The following TFCP2 variants were observed in gnomAD, a reference collection of about 807,000 sequenced individuals.
TFCP2 encodes transcription factor CP2.
Under a neutral mutation model 73.4 loss-of-function variants are expected in TFCP2, and 33 were observed. The observed-to-expected ratio is 0.45, with a 90% CI of 0.34 to 0.60. The LOEUF is 0.60. Ranked by LOEUF, TFCP2 falls within the 20% of genes least tolerant of loss-of-function variation. The pLI, the probability that TFCP2 is intolerant of heterozygous loss-of-function variation, is 0.01. For missense variants in TFCP2, 352 were observed against 604.0 expected (o/e 0.58, Z 4.37); for synonymous variants, 193 against 211.6 (o/e 0.91, Z 0.76).
rs569163870 is a variant in TFCP2 at position 51,097,896 on chromosome 12, A to G, written c.1419+880T>C. ...CCAGGCATGGTGGTGGGTGCCTGTAATACCAGCTACTTGGGAGGCTGAGGC... is the reference window on the plus strand; with the variant it reads ...CCAGGCATGGTGGTGGGTGCCTGTAGTACCAGCTACTTGGGAGGCTGAGGC... On this transcript the variant is annotated intron_variant, in intron 13 of 14. Transcript: ENST00000257915. Among the ~76,000 whole-genome samples the G allele has an allele frequency of 2.0e-5, 3 of 152,000 alleles. No individual in the cohort carries two copies. The East Asian group carries it at 5.9e-4, about 30-fold the overall frequency.
chr12:51,107,215 C>T (rs768370142), intron 7 of TFCP2, 21 bp downstream of exon 7: 32 of 1,559,752 alleles, frequency 2.1e-5, no homozygotes, highest in Middle Eastern at 1.7e-4. Context: ...CTGAAATTGT[C>T]ACCAAAAGAA....
At chr12:51,158,288 G>C (rs746515919) in intron 1 of TFCP2, among the ~76,000 whole-genome samples, 3 of 152,064 alleles carry the variant, frequency 2.0e-5, no homozygotes, top group Non-Finnish European at 4.4e-5. Context: ...TGGTATTACA[G>C]GTATAAGCCA....
chr12:51,160,527 G>A (rs995194654), intron 1 of TFCP2, among the ~76,000 whole-genome samples: 17 of 152,206 alleles, frequency 1.1e-4, no homozygotes, highest in African/African-American at 4.1e-4. Flanking sequence ...CTTACAAAGG[G>A]TTCTTTCTGT....
In TFCP2 at chr12:51,126,883, T is replaced by C. The variant is rs73105059; in HGVS notation, c.123-8111A>G. ...ATTGGCCATAACAACTGTAAGAAAA[T>C]AGATTGATTTTCTGGGATTTGTGGG... On this transcript the variant is annotated intron_variant, in intron 1 of 14. Coordinates refer to ENST00000257915, the MANE Select transcript of TFCP2 (RefSeq NM_005653.5). Among the ~76,000 whole-genome samples, 222 of 151,984 alleles carry C rather than the reference T, an allele frequency of 1.5e-3. 1 individual carries two copies. Among genetic ancestry groups the C allele is most frequent in the South Asian group, 3.5e-3 (17 of 4,800 alleles).
chr12:51,103,690 C>T lies in TFCP2; in HGVS notation c.1040G>A (p.Arg347Lys). Residue 347 changes from arginine to lysine, a missense_variant, in exon 10 of 15, where the codon AGG becomes AAG. This residue lies in a region of TFCP2 where 194 missense variants were observed against 256.3 expected (regional missense o/e 0.76). Coordinates refer to ENST00000257915, the MANE Select transcript of TFCP2 (RefSeq NM_005653.5). ...TTAACCTGAGAAGTTTGTGAAAAGC[C>T]TTGTGAATGTAGAAAAACGATTTCG... The part of the protein sequence containing the change: ...LHRNRFSTFT[R>K]LFTNFSGADL... 6.2e-7 allele frequency: 1 copy of T among 1,613,880 alleles called. No individual in the cohort carries two copies. Among genetic ancestry groups the T allele is most frequent in the South Asian group, 1.1e-5 (1 of 91,034 alleles).
chr12:51,141,840 A>T (rs1183958999), intron 1 of TFCP2, among the ~76,000 whole-genome samples: 8 of 145,242 alleles, frequency 5.5e-5, no homozygotes, highest in Middle Eastern at 7.4e-3. Flanking sequence ...TGGGAGGCAG[A>T]GGTTGCAGTG....
At position 51,169,481 on chromosome 12, in the gene TFCP2, A is replaced by G. The variant is rs567538101; in HGVS notation, c.122+2820T>C. ...ACACCACTGAATTCCAGCCTGGGCA[A>G]CAGAGCGAGACTCCATCTCAAAAAG... On this transcript the variant is annotated intron_variant, in intron 1 of 14. Coordinates refer to ENST00000257915, the MANE Select transcript of TFCP2 (RefSeq NM_005653.5). 6.6e-5 allele frequency among the ~76,000 whole-genome samples: 10 copies of G among 152,158 alleles called. No homozygotes were observed. The South Asian group carries it at 1.7e-3, about 25-fold the overall frequency.
intron 7 of TFCP2, 28 bp downstream of exon 7, chr12:51,107,208 A>G (rs1940269135): frequency 1.3e-6 from 2 of 1,548,196 alleles, no homozygotes; most frequent in African/African-American, 2.8e-5. Context: ...TTATGAACTG[A>G]AATTGTCACC....
intron 1 of TFCP2, among the ~76,000 whole-genome samples, chr12:51,129,806 T>C (rs1940898975): frequency 6.9e-6 from 1 of 144,866 alleles, no homozygotes; most frequent in Non-Finnish European, 1.5e-5. Context: ...GGGAATCTTT[T>C]TGGCAGGATA....
At chr12:51,140,232 A>G (rs1941156105) in intron 1 of TFCP2, among the ~76,000 whole-genome samples, 1 of 152,066 alleles carries the variant, frequency 6.6e-6, no homozygotes, top group Non-Finnish European at 1.5e-5. Context: ...TAATAAAATG[A>G]TAGTATTGAT....
At chr12:51,141,798 C>T (rs1392437713) in intron 1 of TFCP2, among the ~76,000 whole-genome samples, 1 of 149,834 alleles carries the variant, frequency 6.7e-6, no homozygotes, top group Admixed American at 6.7e-5. Flanking sequence ...CACACCTACT[C>T]GGGAGGCTGA....
At chr12:51,170,102 A>G (rs1484501396) in intron 1 of TFCP2, among the ~76,000 whole-genome samples, 1 of 152,170 alleles carries the variant, frequency 6.6e-6, no homozygotes, top group Non-Finnish European at 1.5e-5. Flanking sequence ...AAATTGTCAA[A>G]TATTATGTCA....
At chr12:51,139,975 A>C (rs932301210) in intron 1 of TFCP2, among the ~76,000 whole-genome samples, 1 of 152,188 alleles carries the variant, frequency 6.6e-6, no homozygotes, top group African/African-American at 2.4e-5. Context: ...TCATTCAATA[A>C]ATACATTATG....
chr12:51,157,071 A>G (rs2730654), intron 1 of TFCP2: 83,329 of 150,060 alleles, frequency 0.56, 24,552 homozygotes, highest in Non-Finnish European at 0.66. Flanking sequence ...GCTGGAGTGC[A>G]ATGGTGCAAT....
At chr12:51,170,343 C>CTTTTT (rs4026184) in intron 1 of TFCP2, among the ~76,000 whole-genome samples, 1 of 147,128 alleles carries the variant, frequency 6.8e-6, no homozygotes, top group Admixed American at 6.9e-5. Context: ...TAAAATCTTT[C>CTTTTT]TTTTTTTTTA....
intron 1 of TFCP2, among the ~76,000 whole-genome samples, chr12:51,120,294 A>G (rs575382512): frequency 6.6e-6 from 1 of 152,258 alleles, no homozygotes; most frequent in South Asian, 2.1e-4. Context: ...ATATCCATAC[A>G]ATGGACTACT....
intron 1 of TFCP2, among the ~76,000 whole-genome samples, chr12:51,135,080 A>G (rs1941031631): frequency 6.6e-6 from 1 of 151,328 alleles, no homozygotes; most frequent in Admixed American, 6.6e-5. Flanking sequence ...ACGGCATTCC[A>G]GCCTGGGCAA....
intron 1 of TFCP2, among the ~76,000 whole-genome samples, chr12:51,142,203 CA>C (rs3053458): frequency 0.13 from 6,868 of 51,026 alleles, 48 homozygotes; most frequent in Middle Eastern, 0.25. Context: ...GACTCTGTCG[CA>C]AAAAAAAAAA....
At chr12:51,138,523 A>G (rs1292888723) in intron 1 of TFCP2, among the ~76,000 whole-genome samples, 5 of 152,190 alleles carry the variant, frequency 3.3e-5, no homozygotes, top group African/African-American at 1.2e-4. Context: ...GTACCAGAAT[A>G]GTTAGTCCTA....
Sources: gnomAD v4.1 joint callset for allele counts (sites outside exome capture counted in the v4.1 genomes callset) on GRCh38, gnomAD v4.1.1 for gene constraint, gnomAD v4.1.1 regional missense constraint, MANE v1.5 for transcripts, NCBI Gene and HGNC (gene_info 2026-07-23, HGNC 2026-07-21) for gene names.